Variants in AXL observed in about 807,000 individuals in gnomAD.
The protein encoded by AXL is tyrosine-protein kinase receptor UFO.
In AXL, 52 loss-of-function variants were observed where a neutral mutation model predicts 104.5. The observed-to-expected ratio is 0.50, with a 90% CI of 0.40 to 0.63. AXL has a LOEUF of 0.63. Among genes scored for constraint, AXL ranks in the 20% least tolerant of loss-of-function variants. AXL has a pLI of 0.00. For missense variants in AXL, 1,024 were observed against 1,188.5 expected (o/e 0.86, Z 2.04); for synonymous variants, 455 against 473.7 (o/e 0.96, Z 0.51).
At chr19:41,253,563 TG>T (rs1243707645) in intron 16 of AXL, 35 bp from the exon 17 acceptor site, 2 of 1,466,460 alleles carry the variant, frequency 1.4e-6, no homozygotes, top group East Asian at 4.5e-5. Context: ...TCAAGGACTC[TG>T]TTGACCTCTC....
chr19:41,227,525 G>A (rs938163111), intron 4 of AXL, among the ~76,000 whole-genome samples: 6 of 145,686 alleles, frequency 4.1e-5, no homozygotes, highest in South Asian at 2.2e-4. Context: ...TCTCTCTGTC[G>A]CCCAGGCTGG....
intron 12 of AXL, 62 bp from the exon 13 acceptor site, chr19:41,248,452 G>T: frequency 6.7e-7 from 1 of 1,495,540 alleles, no homozygotes; most frequent in Non-Finnish European, 9.3e-7. Flanking sequence ...CTACTGGTGG[G>T]TGAATGTCAC....
intron 14 of AXL, 89 bp from the exon 15 acceptor site, chr19:41,252,256 GTGATGA>G (rs530798566): frequency 3.2e-5 from 33 of 1,021,722 alleles, no homozygotes; most frequent in Non-Finnish European, 4.2e-5. Context: ...ATGAAGATGA[GTGATGA>G]TGATGATGAT....
intron 14 of AXL, among the ~76,000 whole-genome samples, chr19:41,250,018 C>T (rs2034336688): frequency 6.6e-6 from 1 of 152,158 alleles, no homozygotes; most frequent in Non-Finnish European, 1.5e-5. Flanking sequence ...ATGAGGCATA[C>T]CTGGCTGAAT....
At position 41,242,983 on chromosome 19, in the gene AXL, T is replaced by C. The variant is rs899766801; in HGVS notation, c.1413T>C (p.Leu471=). Residue 471 remains leucine (L), a synonymous_variant, in exon 11 of 20, where the codon CTT becomes CTC. Coordinates refer to ENST00000301178, the MANE Select transcript of AXL (RefSeq NM_021913.5). The part of the protein sequence containing the change: ...AACVLILALF[L]VHRRKKETRY... Reference sequence around the variant, plus strand: ...GTGTCCTCATCTTGGCTCTCTTCCTTGTCCACCGGCGAAAGAAGGAGACCC... The same window carrying C: ...GTGTCCTCATCTTGGCTCTCTTCCTCGTCCACCGGCGAAAGAAGGAGACCC... 7 of 1,614,076 alleles carry C rather than the reference T, an allele frequency of 4.3e-6. No individual in the cohort carries two copies. The highest frequency in any genetic ancestry group is 2.7e-5 in the African/African-American group (2 of 74,930).
intron 4 of AXL, among the ~76,000 whole-genome samples, chr19:41,223,487 A>G (rs1599725195): frequency 6.6e-6 from 1 of 152,166 alleles, no homozygotes; most frequent in Non-Finnish European, 1.5e-5. Flanking sequence ...GAGGAAAGAC[A>G]GAGGAGCAGA....
chr19:41,232,452 T>C (rs149503627), intron 6 of AXL, among the ~76,000 whole-genome samples: 84 of 151,984 alleles, frequency 5.5e-4, no homozygotes, highest in African/African-American at 1.8e-3. Context: ...TGAAACCCCA[T>C]TTCTACTAAA....
Position 41,221,923 on chromosome 19 carries a change from C to T in AXL, c.453C>T (p.Ala151=), listed in dbSNP as rs767629887. 2.0e-4 allele frequency: 317 copies of T among 1,613,558 alleles called. No homozygotes were observed. The highest frequency in any genetic ancestry group is 4.2e-4 in the East Asian group (19 of 44,866). The change falls in exon 4 of 20, where the codon GCC becomes GCT. Residue 151 remains alanine, a synonymous_variant. Transcript: ENST00000301178. ...AGGAGCCCGAAGACAGGACTGTGGC[C>T]GCCAACACCCCCTTCAACCTGAGCT... The part of the protein sequence containing the change: ...FLEEPEDRTV[A]ANTPFNLSCQ...
At chr19:41,222,171 T>G in intron 4 of AXL, 115 bp downstream of exon 4, 1 of 1,159,662 alleles carries the variant, frequency 8.6e-7, no homozygotes, top group African/African-American at 1.6e-5. Flanking sequence ...TGTCCCTCAC[T>G]GTCTGTCTCT....
chr19:41,242,517 A>G (rs1319325219), intron 10 of AXL, among the ~76,000 whole-genome samples: 1 of 151,758 alleles, frequency 6.6e-6, no homozygotes, highest in Non-Finnish European at 1.5e-5. Context: ...TTAAGTAGAG[A>G]CAGGGTTTCA....
In AXL at chr19:41,219,469, C is replaced by T. The variant is rs746689495; in HGVS notation, c.77C>T (p.Ala26Val). The T allele has an allele frequency of 1.9e-6, 3 of 1,604,180 alleles. No homozygotes were observed. The highest frequency in any genetic ancestry group is 2.2e-5 in the East Asian group (1 of 44,446). The change falls in exon 1 of 20, where the codon GCC becomes GTC. Residue 26 changes from alanine (A) to valine (V), a missense_variant. This residue lies in a region of AXL where 124 missense variants were observed against 115.5 expected (regional missense o/e 1.07). Transcript: ENST00000301178. ...CLALCGWACM[A>V]PRGTQAEESP... ...GCGCTGTGCGGCTGGGCGTGCATGG[C>T]CCCCAGGGGTGAGTGATGGGGGCTC...
rs370849797 is a variant in AXL at position 41,253,505 on chromosome 19, C to T, written c.1927-94C>T. On this transcript the variant is annotated intron_variant, in intron 16 of 19. Coordinates refer to ENST00000301178, the MANE Select transcript of AXL (RefSeq NM_021913.5). ...TTGTCAGGGCCATGGGAAACCACTGCGGGCAGAGCTAGGCTTGCACAGAGG... is the reference window on the plus strand; with the variant it reads ...TTGTCAGGGCCATGGGAAACCACTGTGGGCAGAGCTAGGCTTGCACAGAGG... 72 of 924,264 alleles carry T rather than the reference C, an allele frequency of 7.8e-5. 2 individuals are homozygous for T. The African/African-American group carries it at 8.0e-4, about 10-fold the overall frequency. 57.3% of individuals were successfully genotyped at this position (924,264 alleles called of 1,614,324 possible). A position where few individuals can be genotyped will look rare whatever the true frequency, so the allele number is the denominator to read the frequency against.
chr19:41,233,955 G>A (rs998592272), intron 6 of AXL, among the ~76,000 whole-genome samples: 4 of 152,016 alleles, frequency 2.6e-5, no homozygotes, highest in African/African-American at 7.2e-5. Context: ...GGTCACAGCC[G>A]TCCCAGGGAA....
At chr19:41,254,645 G>A (rs554663730) in intron 17 of AXL, among the ~76,000 whole-genome samples, 60 of 151,996 alleles carry the variant, frequency 3.9e-4, no homozygotes, top group Admixed American at 1.4e-3. Flanking sequence ...TTGGCCAGGC[G>A]CAGTGGCTCA....
intron 16 of AXL, 74 bp from the exon 17 acceptor site, chr19:41,253,525 C>T (rs2034401329): frequency 1.8e-6 from 2 of 1,130,250 alleles, no homozygotes; most frequent in East Asian, 4.9e-5. Context: ...TAGGCTTGCA[C>T]AGAGGGATGG....
intron 14 of AXL, 84 bp downstream of exon 14, chr19:41,248,904 T>C (rs2122265533): frequency 7.2e-7 from 1 of 1,397,486 alleles, no homozygotes; most frequent in Admixed American, 2.5e-5. Context: ...TAGCCATAGC[T>C]TAGAACTTCT....
intron 16 of AXL, 49 bp downstream of exon 16, chr19:41,253,016 T>C: frequency 1.2e-6 from 2 of 1,600,830 alleles, no homozygotes; most frequent in Non-Finnish European, 1.7e-6. Context: ...TGAGCATCTA[T>C]CAGGTACCCA....
chr19:41,229,106 T>C (rs2033932511), intron 4 of AXL, among the ~76,000 whole-genome samples: 1 of 151,676 alleles, frequency 6.6e-6, no homozygotes. Flanking sequence ...CCTGCCACTA[T>C]GCCCAGCTAA....
In AXL at chr19:41,238,122, C is replaced by G; in HGVS notation, c.962C>G (p.Thr321Ser). 1 of 1,614,108 alleles carries G rather than the reference C, an allele frequency of 6.2e-7. No individual in the cohort carries two copies. Among genetic ancestry groups the G allele is most frequent in the Non-Finnish European group, 8.5e-7 (1 of 1,180,024 alleles). ...CTSSQGPSSWTHWLPVETPEG... is the reference protein window; with the variant it reads ...CTSSQGPSSWSHWLPVETPEG... ...AGCAGCCAGGGCCCCTCATCCTGGA[C>G]CCACTGGCTTCCTGTGGAGACGCCG... The change falls in exon 7 of 20, where the codon ACC (threonine) becomes AGC (serine). Residue 321 changes from threonine (T) to serine (S), a missense_variant. Physicochemically the swap from Thr to Ser is moderately conservative, Grantham distance 58. Coordinates refer to ENST00000301178, the MANE Select transcript of AXL (RefSeq NM_021913.5).
Sources: gnomAD v4.1 joint callset for allele counts (sites outside exome capture counted in the v4.1 genomes callset) on GRCh38, gnomAD v4.1.1 for gene constraint, gnomAD v4.1.1 regional missense constraint, MANE v1.5 for transcripts, NCBI Gene and HGNC (gene_info 2026-07-23, HGNC 2026-07-21) for gene names.